PPM1D: variants seen among roughly 807,000 people sequenced by gnomAD.
PPM1D encodes protein phosphatase 1D.
PPM1D carries 52 observed loss-of-function variants against 58.3 expected under a neutral mutation model. The observed-to-expected ratio is 0.89, with a 90% CI of 0.71 to 1.12. PPM1D has a LOEUF of 1.12. Ranked by LOEUF, PPM1D falls within the 50% of genes most tolerant of loss-of-function variation. PPM1D has a pLI of 0.00. For synonymous variants in PPM1D, 278 were observed against 285.1 expected (o/e 0.98, Z 0.25); for missense variants, 564 against 777.2 (o/e 0.73, Z 3.26).
At chr17:60,621,450 A>C (rs377015814) in intron 1 of PPM1D, among the ~76,000 whole-genome samples, 5 of 151,918 alleles carry the variant, frequency 3.3e-5, no homozygotes, top group African/African-American at 7.3e-5. Flanking sequence ...GCTGGAGTGC[A>C]GTGGCACCAT....
At chr17:60,622,296 C>A (rs998143414) in intron 1 of PPM1D, among the ~76,000 whole-genome samples, 1 of 151,166 alleles carries the variant, frequency 6.6e-6, no homozygotes, top group African/African-American at 2.4e-5. Context: ...TAACATAATT[C>A]TATTCCTTTA....
At chr17:60,623,433 G>C (rs977497182) in intron 1 of PPM1D, 88 bp from the exon 2 acceptor site, 1 of 1,254,942 alleles carries the variant, frequency 8.0e-7, no homozygotes, top group Non-Finnish European at 1.1e-6. Context: ...ATGTTAACAT[G>C]CTAATTCAGA....
intron 1 of PPM1D, among the ~76,000 whole-genome samples, chr17:60,604,192 A>G (rs1372143018): frequency 6.6e-6 from 1 of 152,352 alleles, no homozygotes; most frequent in South Asian, 2.1e-4. Flanking sequence ...AAAGAAAATC[A>G]TGTTTGTTAA....
At chr17:60,626,535 C>T (rs1461855360) in intron 2 of PPM1D, among the ~76,000 whole-genome samples, 3 of 151,838 alleles carry the variant, frequency 2.0e-5, no homozygotes, top group Non-Finnish European at 2.9e-5. Context: ...GCTGGGACTA[C>T]AGGCGCCTGC....
intron 1 of PPM1D, among the ~76,000 whole-genome samples, chr17:60,619,445 T>A (rs1463981660): frequency 6.6e-6 from 1 of 152,164 alleles, no homozygotes. Flanking sequence ...TTTTTAGATA[T>A]ATTTTTAATT....
At chr17:60,613,979 T>TGCCCGAGGGCTGAGGAGTGCGG (rs2030522620) in intron 1 of PPM1D, among the ~76,000 whole-genome samples, 1 of 143,714 alleles carries the variant, frequency 7.0e-6, no homozygotes, top group Non-Finnish European at 1.5e-5. Context: ...TCCCGTCGAC[T>TGCCCGAGGGCTGAGGAGTGCGG]GCCCAAGGGC....
At chr17:60,626,984 T>TC (rs2030823851) in intron 2 of PPM1D, among the ~76,000 whole-genome samples, 1 of 152,264 alleles carries the variant, frequency 6.6e-6, no homozygotes, top group African/African-American at 2.4e-5. Context: ...GCCATTTTTT[T>TC]CCCACATTAA....
intron 3 of PPM1D, among the ~76,000 whole-genome samples, chr17:60,640,592 G>C (rs1227692257): frequency 6.6e-6 from 1 of 152,142 alleles, no homozygotes; most frequent in Non-Finnish European, 1.5e-5. Context: ...TGTTACATGG[G>C]TATATTGCAT....
At chr17:60,631,306 C>CGACA (rs2030915571) in intron 2 of PPM1D, among the ~76,000 whole-genome samples, 1 of 151,890 alleles carries the variant, frequency 6.6e-6, no homozygotes, top group Non-Finnish European at 1.5e-5. Flanking sequence ...GGCAACAGAA[C>CGACA]GACACCCTGT....
intron 1 of PPM1D, among the ~76,000 whole-genome samples, chr17:60,610,366 G>C (rs2030430113): frequency 6.6e-6 from 1 of 152,022 alleles, no homozygotes; most frequent in Admixed American, 6.6e-5. Flanking sequence ...TCTTCATGTT[G>C]ACACACGTAG....
intron 3 of PPM1D, among the ~76,000 whole-genome samples, chr17:60,641,256 T>TA (rs1406730532): frequency 6.6e-6 from 1 of 152,210 alleles, no homozygotes; most frequent in Admixed American, 6.5e-5. Flanking sequence ...TTTGCCAGCA[T>TA]TGTCATTTAT....
At chr17:60,615,308 GC>G (rs2030559675) in intron 1 of PPM1D, among the ~76,000 whole-genome samples, 1 of 152,066 alleles carries the variant, frequency 6.6e-6, no homozygotes, top group South Asian at 2.1e-4. Context: ...TGCTTGGGAG[GC>G]CCAGGTGGGA....
intron 3 of PPM1D, among the ~76,000 whole-genome samples, chr17:60,645,845 ATAT>A (rs2031242190): frequency 6.6e-6 from 1 of 151,766 alleles, no homozygotes; most frequent in South Asian, 2.1e-4. Flanking sequence ...ATATTACATA[ATAT>A]TATAAAAAGG....
chr17:60,601,006 G>C (rs2030197679), intron 1 of PPM1D, 120 bp downstream of exon 1: 1 of 1,414,772 alleles, frequency 7.1e-7, no homozygotes, highest in African/African-American at 1.5e-5. Context: ...ACTGATGGAA[G>C]TGACTAAAAG....
intron 3 of PPM1D, among the ~76,000 whole-genome samples, chr17:60,647,582 TAGTA>T (rs1336087795): frequency 3.3e-5 from 5 of 152,204 alleles, no homozygotes; most frequent in Admixed American, 1.3e-4. Context: ...GGACTCAGTA[TAGTA>T]TTAGAAGAGA....
At position 60,614,856 on chromosome 17, in the gene PPM1D, C is replaced by CA. The variant is rs756620629; in HGVS notation, c.473-8664dup. Among the ~76,000 whole-genome samples, 32 of 152,252 alleles carry CA rather than the reference C, an allele frequency of 2.1e-4. 1 individual carries two copies. The Middle Eastern group carries it at 0.017, about 81-fold the overall frequency. On this transcript the variant is annotated intron_variant, in intron 1 of 5. Transcript: ENST00000305921. Reference sequence around the variant, plus strand: ...CACCAGAAGGAAGAAACTCCGAACACATCCGAACATCAGAAGGAACAAATT... The same window carrying CA: ...CACCAGAAGGAAGAAACTCCGAACACAATCCGAACATCAGAAGGAACAAATT...
chr17:60,618,941 A>G (rs113943656), intron 1 of PPM1D, among the ~76,000 whole-genome samples: 16 of 152,194 alleles, frequency 1.1e-4, no homozygotes, highest in Non-Finnish European at 1.8e-4. Flanking sequence ...TTTCAAGTAT[A>G]CAAAACAGTA....
intron 1 of PPM1D, among the ~76,000 whole-genome samples, chr17:60,617,871 G>A (rs1454271933): frequency 1.3e-5 from 2 of 152,264 alleles, no homozygotes; most frequent in East Asian, 3.9e-4. Flanking sequence ...AAAGAACATT[G>A]TCTGCACTGC....
chr17:60,633,804 T>A (rs2030973734), intron 2 of PPM1D, 49 bp from the exon 3 acceptor site: 1 of 1,482,550 alleles, frequency 6.7e-7, no homozygotes, highest in African/African-American at 1.4e-5. Context: ...CTATCTTAGT[T>A]GTTGTATTTT....
Sources: allele counts gnomAD v4.1 joint callset (sites outside exome capture counted in the v4.1 genomes callset), GRCh38; gene constraint gnomAD v4.1.1; transcripts MANE v1.5; gene names NCBI Gene and HGNC (gene_info 2026-07-23, HGNC 2026-07-21).